HOMER1: variants seen among roughly 807,000 people sequenced by gnomAD.
HOMER1 encodes the protein homer protein homolog 1.
HOMER1 carries 3 observed loss-of-function variants against 48.9 expected under a neutral mutation model. The observed-to-expected ratio is 0.06, with a 90% CI of 0.03 to 0.16. HOMER1 has a LOEUF of 0.16. Ranked by LOEUF, HOMER1 falls within the 10% of genes least tolerant of loss-of-function variation. The probability of loss-of-function intolerance (pLI) is 1.00; values close to 1 mark genes in which losing one functional copy is unlikely to be tolerated. For missense variants in HOMER1, 247 were observed against 411.4 expected (o/e 0.60, Z 3.46); for synonymous variants, 134 against 146.4 (o/e 0.92, Z 0.61).
At chr5:79,410,837 G>A (rs1420501364) in intron 5 of HOMER1, among the ~76,000 whole-genome samples, 1 of 152,122 alleles carries the variant, frequency 6.6e-6, no homozygotes, top group Non-Finnish European at 1.5e-5. Context: ...CACTTTTCAG[G>A]AATACTTGTT....
intron 4 of HOMER1, among the ~76,000 whole-genome samples, chr5:79,444,055 T>C (rs1051286861): frequency 6.6e-6 from 1 of 152,180 alleles, no homozygotes; most frequent in African/African-American, 2.4e-5. Context: ...TCTACTACTA[T>C]CGATTTTCGT....
At chr5:79,415,625 G>C (rs1032299642) in intron 5 of HOMER1, among the ~76,000 whole-genome samples, 3 of 152,148 alleles carry the variant, frequency 2.0e-5, no homozygotes, top group Non-Finnish European at 4.4e-5. Flanking sequence ...GTGTATCGTA[G>C]ATCAGATAAA....
intron 1 of HOMER1, among the ~76,000 whole-genome samples, chr5:79,491,831 T>A (rs961232704): frequency 5.3e-5 from 8 of 151,826 alleles, no homozygotes; most frequent in African/African-American, 1.9e-4. Flanking sequence ...AGCAAACTTG[T>A]TTATTTTAAT....
At chr5:79,421,842 A>G (rs567716373) in intron 5 of HOMER1, among the ~76,000 whole-genome samples, 1 of 152,202 alleles carries the variant, frequency 6.6e-6, no homozygotes, top group East Asian at 1.9e-4. Context: ...TCCTGACCTC[A>G]GGTGATCAGC....
intron 1 of HOMER1, among the ~76,000 whole-genome samples, chr5:79,508,593 C>T (rs568429661): frequency 6.6e-6 from 1 of 152,332 alleles, no homozygotes; most frequent in South Asian, 2.1e-4. Context: ...TGCAGTTCCT[C>T]GTTTTAGTGG....
chr5:79,427,650 A>T (rs1297753469), intron 5 of HOMER1, among the ~76,000 whole-genome samples: 54 of 104,438 alleles, frequency 5.2e-4, no homozygotes, highest in Non-Finnish European at 7.1e-4. Flanking sequence ...TTTCCTTCCT[A>T]CCTTCCTTCC....
chr5:79,396,409 G>A (rs1467444788), intron 8 of HOMER1, among the ~76,000 whole-genome samples: 1 of 151,376 alleles, frequency 6.6e-6, no homozygotes, highest in African/African-American at 2.4e-5. Flanking sequence ...TATTAAGACA[G>A]GATCCCACTC....
chr5:79,475,268 A>ACTGTCTTGCTCTAGAGCCCGTATC (rs1561378201), intron 1 of HOMER1, among the ~76,000 whole-genome samples: 1 of 150,990 alleles, frequency 6.6e-6, no homozygotes, highest in East Asian at 2.0e-4. Context: ...GAGCCGGCAC[A>ACTGTCTTGCTCTAGAGCCCGTATC]CTGTCTGGCT....
intron 1 of HOMER1, among the ~76,000 whole-genome samples, chr5:79,507,695 C>G (rs759006272): frequency 5.1e-5 from 7 of 136,720 alleles, no homozygotes; most frequent in Non-Finnish European, 1.1e-4. Context: ...AATACTTCAA[C>G]TAAACACTAA....
intron 5 of HOMER1, among the ~76,000 whole-genome samples, chr5:79,418,689 C>T (rs1162531121): frequency 2.0e-5 from 3 of 152,182 alleles, no homozygotes; most frequent in African/African-American, 4.8e-5. Flanking sequence ...CTAACACAGG[C>T]TATTAAATTC....
At chr5:79,426,433 G>A (rs1250577740) in intron 5 of HOMER1, among the ~76,000 whole-genome samples, 1 of 151,958 alleles carries the variant, frequency 6.6e-6, no homozygotes, top group African/African-American at 2.4e-5. Flanking sequence ...TACTATATGT[G>A]TTACATATAC....
chr5:79,430,721 G>A (rs1475341212), intron 5 of HOMER1, among the ~76,000 whole-genome samples: 3 of 151,260 alleles, frequency 2.0e-5, no homozygotes, highest in African/African-American at 4.9e-5. Flanking sequence ...GGTGGATCAC[G>A]AGGTCAAGAG....
intron 5 of HOMER1, among the ~76,000 whole-genome samples, chr5:79,435,036 A>G (rs1052330975): frequency 2.6e-5 from 4 of 152,204 alleles, no homozygotes; most frequent in Non-Finnish European, 5.9e-5. Context: ...CCATTTTTTC[A>G]TAACTGTTGA....
At chr5:79,464,586 C>A (rs1004147710) in intron 1 of HOMER1, among the ~76,000 whole-genome samples, 1 of 152,156 alleles carries the variant, frequency 6.6e-6, no homozygotes, top group East Asian at 1.9e-4. Flanking sequence ...AAAGAATTAT[C>A]CTGTACAACT....
chr5:79,383,670 C>T (rs779419938), intron 8 of HOMER1, among the ~76,000 whole-genome samples: 4 of 152,156 alleles, frequency 2.6e-5, no homozygotes, highest in Non-Finnish European at 4.4e-5. Flanking sequence ...AGGCATGAGC[C>T]ACCTCGCCTG....
At chr5:79,397,039 G>A in intron 7 of HOMER1, 136 bp from the exon 8 acceptor site, 1 of 572,800 alleles carries the variant, frequency 1.7e-6, no homozygotes, top group Non-Finnish European at 3.0e-6. Context: ...GACTTTTAGA[G>A]GGATGAATTC....
intron 2 of HOMER1, among the ~76,000 whole-genome samples, chr5:79,454,564 G>A (rs760008406): frequency 2.6e-5 from 4 of 151,614 alleles, no homozygotes; most frequent in East Asian, 1.9e-4. Context: ...AAAGCTTCAC[G>A]GAAATGAACT....
intron 8 of HOMER1, among the ~76,000 whole-genome samples, chr5:79,388,114 GA>G (rs577690693): frequency 1.5e-4 from 23 of 151,556 alleles, no homozygotes; most frequent in Non-Finnish European, 2.9e-4. Flanking sequence ...CCAGAATACT[GA>G]AAAAAAAGTT....
At chr5:79,408,649 T>C (rs1749732254) in intron 5 of HOMER1, among the ~76,000 whole-genome samples, 1 of 152,156 alleles carries the variant, frequency 6.6e-6, no homozygotes, top group African/African-American at 2.4e-5. Context: ...TATAAAACTA[T>C]AAAACTTGAA....
Sources: allele counts gnomAD v4.1 joint callset (sites outside exome capture counted in the v4.1 genomes callset), GRCh38; gene constraint gnomAD v4.1.1; transcripts MANE v1.5; gene names NCBI Gene and HGNC (gene_info 2026-07-23, HGNC 2026-07-21).